Variants in UBTD1 observed in about 807,000 individuals in gnomAD.
UBTD1 encodes ubiquitin domain containing 1.
In UBTD1, 19 loss-of-function variants were observed where a neutral mutation model predicts 21.7. The ratio of observed to expected loss-of-function variants is 0.87; its 90% CI spans 0.61 to 1.28. The LOEUF is 1.28. Among genes scored for constraint, UBTD1 ranks in the 50% most tolerant of loss-of-function variants. The pLI, the probability that UBTD1 is intolerant of heterozygous loss-of-function variation, is 0.00. For synonymous variants in UBTD1, 116 were observed against 135.1 expected (o/e 0.86, Z 0.98); for missense variants, 282 against 315.1 (o/e 0.89, Z 0.80).
intron 1 of UBTD1, among the ~76,000 whole-genome samples, chr10:97,522,219 C>T (rs2040469645): frequency 6.6e-6 from 1 of 152,246 alleles, no homozygotes; most frequent in Non-Finnish European, 1.5e-5. Flanking sequence ...GGGGTCGTTC[C>T]ACTTAGCACC....
chr10:97,541,566 G>A (rs566402036), intron 1 of UBTD1, among the ~76,000 whole-genome samples: 1 of 152,160 alleles, frequency 6.6e-6, no homozygotes, highest in African/African-American at 2.4e-5. Flanking sequence ...CTCCTACTGT[G>A]TGCTCCACAC....
intron 1 of UBTD1, among the ~76,000 whole-genome samples, chr10:97,530,829 T>A (rs984234823): frequency 6.6e-6 from 1 of 152,046 alleles, no homozygotes; most frequent in East Asian, 1.9e-4. Flanking sequence ...AGGTTACTTA[T>A]GTTTTTCCTT....
chr10:97,528,034 G>T (rs2040498702), intron 1 of UBTD1, among the ~76,000 whole-genome samples: 1 of 149,764 alleles, frequency 6.7e-6, no homozygotes, highest in Non-Finnish European at 1.5e-5. Context: ...CCGGGCAGAG[G>T]CGCCCCTCAC....
chr10:97,499,991 A>G (rs2040346363), intron 1 of UBTD1, among the ~76,000 whole-genome samples: 1 of 152,164 alleles, frequency 6.6e-6, no homozygotes, highest in East Asian at 1.9e-4. Context: ...CGCCCCGGGA[A>G]GAGGTCTGTC....
chr10:97,499,290 G>C lies in UBTD1; in HGVS notation c.70+17G>C, dbSNP rs1243661712. 2 of 1,546,466 alleles carry C rather than the reference G, an allele frequency of 1.3e-6. No homozygotes were observed. Among genetic ancestry groups the C allele is most frequent in the Non-Finnish European group, 1.7e-6 (2 of 1,144,760 alleles). Reference sequence around the variant, plus strand: ...AGCGAGCAGGTAACGATGGGGAAGGGAGCAGGGCCTCGGGCATCCCGCCAG... The same window carrying C: ...AGCGAGCAGGTAACGATGGGGAAGGCAGCAGGGCCTCGGGCATCCCGCCAG... On this transcript the variant is annotated intron_variant, in intron 1 of 2. Coordinates refer to ENST00000370664, the MANE Select transcript of UBTD1 (RefSeq NM_024954.5).
At chr10:97,553,656 G>C (rs1368492024) in intron 1 of UBTD1, among the ~76,000 whole-genome samples, 1 of 152,124 alleles carries the variant, frequency 6.6e-6, no homozygotes, top group Non-Finnish European at 1.5e-5. Flanking sequence ...GATGAAGAGA[G>C]CCAACACCAG....
intron 1 of UBTD1, among the ~76,000 whole-genome samples, chr10:97,539,579 A>G (rs1249510021): frequency 5.9e-5 from 9 of 151,824 alleles, no homozygotes; most frequent in Admixed American, 2.0e-4. Context: ...TGGGTGACAG[A>G]GAGAGGCCCC....
intron 1 of UBTD1, among the ~76,000 whole-genome samples, chr10:97,507,573 G>A (rs2040404263): frequency 6.6e-6 from 1 of 151,744 alleles, no homozygotes; most frequent in South Asian, 2.1e-4. Context: ...AGGAGTTTGA[G>A]ACCAGCCTGA....
intron 1 of UBTD1, 68 bp from the exon 2 acceptor site, chr10:97,567,846 G>A (rs1176021219): frequency 7.4e-6 from 11 of 1,490,906 alleles, no homozygotes; most frequent in Non-Finnish European, 1.0e-5. Context: ...GAGGGGAGGG[G>A]AGGGGGAGGG....
intron 1 of UBTD1, among the ~76,000 whole-genome samples, chr10:97,544,274 C>A (rs1054703844): frequency 7.5e-6 from 1 of 134,176 alleles, no homozygotes; most frequent in African/African-American, 2.7e-5. Context: ...ACCTGGGTGA[C>A]GAGAGAAACT....
intron 1 of UBTD1, among the ~76,000 whole-genome samples, chr10:97,558,675 C>T (rs899808339): frequency 1.5e-4 from 22 of 151,374 alleles, no homozygotes; most frequent in African/African-American, 5.1e-4. Flanking sequence ...AAAGCTCTTG[C>T]TGTTGGGTGT....
chr10:97,529,021 G>A (rs551401454), intron 1 of UBTD1, among the ~76,000 whole-genome samples: 1 of 152,056 alleles, frequency 6.6e-6, no homozygotes, highest in African/African-American at 2.4e-5. Flanking sequence ...GGTGGCAGCC[G>A]GGCGGAGGGT....
intron 1 of UBTD1, among the ~76,000 whole-genome samples, chr10:97,527,485 TA>T (rs1328486752): frequency 6.6e-6 from 1 of 151,900 alleles, no homozygotes; most frequent in African/African-American, 2.4e-5. Flanking sequence ...ATTTTTATTT[TA>T]TTTTTTTATT....
intron 1 of UBTD1, among the ~76,000 whole-genome samples, chr10:97,556,350 A>G (rs2040664070): frequency 6.6e-6 from 1 of 152,204 alleles, no homozygotes; most frequent in African/African-American, 2.4e-5. Flanking sequence ...ATTTTTCACA[A>G]ACACCTTCTT....
At chr10:97,513,540 T>A (rs964652338) in intron 1 of UBTD1, among the ~76,000 whole-genome samples, 2 of 152,068 alleles carry the variant, frequency 1.3e-5, no homozygotes, top group African/African-American at 2.4e-5. Flanking sequence ...GTAGAAGGGT[T>A]AGTGATTTGA....
At chr10:97,528,991 G>A (rs1181858912) in intron 1 of UBTD1, among the ~76,000 whole-genome samples, 9 of 151,854 alleles carry the variant, frequency 5.9e-5, no homozygotes, top group African/African-American at 2.2e-4. Context: ...GGGCGGAGAC[G>A]CTCCTCACTT....
At chr10:97,566,529 G>A (rs1463430940) in intron 1 of UBTD1, among the ~76,000 whole-genome samples, 1 of 152,170 alleles carries the variant, frequency 6.6e-6, no homozygotes, top group East Asian at 1.9e-4. Context: ...CTTACTATGT[G>A]ACCTGGGGCA....
chr10:97,568,247 G>A lies in UBTD1; in HGVS notation c.298+106G>A, dbSNP rs761413111. ...AGCGGTGGGGCAGGTGGTTACTCAC[G>A]TATTCATTCATTCAAGCACCCCTTA... On this transcript the variant is annotated intron_variant, in intron 2 of 2. Coordinates refer to ENST00000370664, the MANE Select transcript of UBTD1 (RefSeq NM_024954.5). The A allele has an allele frequency of 9.2e-5, 109 of 1,184,024 alleles. 1 individual carries two copies. The highest frequency in any genetic ancestry group is 2.6e-4 in the Middle Eastern group (1 of 3,816). 73.3% of individuals were successfully genotyped at this position (1,184,024 alleles called of 1,614,324 possible). A position where few individuals can be genotyped will look rare whatever the true frequency, so the allele number is the denominator to read the frequency against.
At chr10:97,529,583 G>A (rs1348034949) in intron 1 of UBTD1, among the ~76,000 whole-genome samples, 2 of 114,340 alleles carry the variant, frequency 1.7e-5, no homozygotes, top group Non-Finnish European at 3.8e-5. Flanking sequence ...CCATCACAGC[G>A]AAACCCCGTC....
Sources: allele counts gnomAD v4.1 joint callset (sites outside exome capture counted in the v4.1 genomes callset), GRCh38; gene constraint gnomAD v4.1.1; transcripts MANE v1.5; gene names NCBI Gene and HGNC (gene_info 2026-07-23, HGNC 2026-07-21).